The following TYW1B variants were observed in gnomAD, a reference collection of about 807,000 sequenced individuals.
TYW1B encodes tRNA-yW synthesizing protein 1 homolog B, also known as S-adenosyl-L-methionine-dependent tRNA 4-demethylwyosine synthase TYW1B.
In TYW1B, 73 loss-of-function variants were observed where a neutral mutation model predicts 86.9. The ratio of observed to expected loss-of-function variants is 0.84; its 90% CI spans 0.70 to 1.02. The LOEUF (loss-of-function observed/expected upper bound fraction) is 1.02, where lower values mean the gene tolerates loss of function less well. Among genes scored for constraint, TYW1B ranks in the 50% least tolerant of loss-of-function variants. TYW1B has a pLI of 0.00. For missense variants in TYW1B, 637 were observed against 827.4 expected (o/e 0.77, Z 2.82); for synonymous variants, 248 against 292.8 (o/e 0.85, Z 1.56).
intron 11 of TYW1B, among the ~76,000 whole-genome samples, chr7:72,690,101 A>T (rs1461457332): frequency 6.6e-6 from 1 of 152,172 alleles, no homozygotes; most frequent in Non-Finnish European, 1.5e-5. Context: ...TATGTTGGTC[A>T]TTTTTCTTTT....
chr7:72,776,556 C>CAAAAAAAAAAAAAA (rs67553013), intron 7 of TYW1B, among the ~76,000 whole-genome samples: 1 of 45,246 alleles, frequency 2.2e-5, no homozygotes, highest in African/African-American at 9.4e-5. Flanking sequence ...GACTCTGTCT[C>CAAAAAAAAAAAAAA]AAAAAAAAAA....
intron 7 of TYW1B, among the ~76,000 whole-genome samples, chr7:72,745,430 TA>T (rs1163299494): frequency 6.6e-6 from 1 of 152,062 alleles, no homozygotes; most frequent in African/African-American, 2.4e-5. Flanking sequence ...ATGCAAGGGA[TA>T]AAAACAAATA....
intron 11 of TYW1B, among the ~76,000 whole-genome samples, chr7:72,639,465 CTTGT>C (rs1655812339): frequency 6.6e-6 from 1 of 152,016 alleles, no homozygotes; most frequent in African/African-American, 2.4e-5. Context: ...CCACATCCAG[CTTGT>C]TTGTTTTTTA....
intron 10 of TYW1B, among the ~76,000 whole-genome samples, chr7:72,709,441 G>C (rs1414165138): frequency 6.6e-6 from 1 of 151,490 alleles, no homozygotes. Flanking sequence ...GGCCAAGGCG[G>C]GCGGATCACA....
intron 11 of TYW1B, among the ~76,000 whole-genome samples, chr7:72,666,905 G>C (rs868960094): frequency 3.3e-5 from 5 of 151,346 alleles, no homozygotes; most frequent in Non-Finnish European, 7.4e-5. Flanking sequence ...GGTGGCAGGC[G>C]CCTGTAGTCC....
intron 6 of TYW1B, among the ~76,000 whole-genome samples, chr7:72,781,373 T>C (rs1788046526): frequency 6.6e-6 from 1 of 152,128 alleles, no homozygotes. Flanking sequence ...TCACACCTCC[T>C]GGCGTCACTT....
At chr7:72,641,124 T>C (rs182646690) in intron 11 of TYW1B, among the ~76,000 whole-genome samples, 2 of 151,980 alleles carry the variant, frequency 1.3e-5, no homozygotes, top group African/African-American at 4.8e-5. Context: ...GAAAATACTA[T>C]GAACAACTAT....
chr7:72,823,020 T>A (rs1554480777), intron 2 of TYW1B: 2 of 151,732 alleles, frequency 1.3e-5, no homozygotes. Context: ...TTTTTTTTTT[T>A]TGTTTGAGAC....
chr7:72,716,716 G>A (rs568686772), intron 9 of TYW1B, among the ~76,000 whole-genome samples: 15 of 151,908 alleles, frequency 9.9e-5, no homozygotes, highest in South Asian at 2.1e-4. Context: ...TCAGCTCACT[G>A]CAACCTCCGC....
intron 13 of TYW1B, among the ~76,000 whole-genome samples, chr7:72,616,457 G>A (rs371164588): frequency 2.7e-5 from 4 of 149,708 alleles, no homozygotes; most frequent in Non-Finnish European, 3.0e-5. Context: ...GTACTTCAAG[G>A]TGTCCAGAGG....
At chr7:72,633,839 C>T (rs1812602793) in intron 11 of TYW1B, among the ~76,000 whole-genome samples, 1 of 151,978 alleles carries the variant, frequency 6.6e-6, no homozygotes, top group Non-Finnish European at 1.5e-5. Flanking sequence ...CAGGTTTTAG[C>T]TATTATAAAA....
intron 7 of TYW1B, among the ~76,000 whole-genome samples, chr7:72,758,473 A>T (rs1335122205): frequency 6.6e-6 from 1 of 151,188 alleles, no homozygotes; most frequent in Admixed American, 6.6e-5. Context: ...TTAGAAAAAA[A>T]TTTTTCTCTC....
chr7:72,729,476 T>G (rs1787065441), intron 8 of TYW1B, among the ~76,000 whole-genome samples: 1 of 152,052 alleles, frequency 6.6e-6, no homozygotes, highest in Non-Finnish European at 1.5e-5. Context: ...CCAAAGCCCC[T>G]GTATCTCCAT....
At chr7:72,761,405 A>T (rs1391949030) in intron 7 of TYW1B, among the ~76,000 whole-genome samples, 1 of 152,070 alleles carries the variant, frequency 6.6e-6, no homozygotes, top group Non-Finnish European at 1.5e-5. Flanking sequence ...TTAATAGGAA[A>T]AAAGTATAAG....
chr7:72,673,022 A>G (rs147482668), intron 11 of TYW1B, among the ~76,000 whole-genome samples: 2,620 of 152,262 alleles, frequency 0.017, 34 homozygotes, highest in Admixed American at 0.037. Flanking sequence ...TACAAAAATT[A>G]GCCGGGTGTC....
At chr7:72,593,674 T>G (rs1359072778) in intron 13 of TYW1B, among the ~76,000 whole-genome samples, 1 of 151,500 alleles carries the variant, frequency 6.6e-6, no homozygotes, top group Admixed American at 6.6e-5. Context: ...TACAAAAAAT[T>G]AGCAGGGCAT....
At chr7:72,662,426 T>TATAG (rs10682366) in intron 11 of TYW1B, among the ~76,000 whole-genome samples, 2,155 of 118,622 alleles carry the variant, frequency 0.018, 20 homozygotes, top group Middle Eastern at 0.036. Context: ...AATATATATA[T>TATAG]ATAGATAGAT....
intron 2 of TYW1B, among the ~76,000 whole-genome samples, chr7:72,819,503 G>A (rs575064221): frequency 6.6e-6 from 1 of 152,292 alleles, no homozygotes; most frequent in East Asian, 1.9e-4. Flanking sequence ...CACAGTCACG[G>A]CTTACTGCAG....
chr7:72,776,880 T>A (rs1290550576), intron 7 of TYW1B, among the ~76,000 whole-genome samples: 1 of 152,028 alleles, frequency 6.6e-6, no homozygotes, highest in Admixed American at 6.6e-5. Context: ...AGATATAGTT[T>A]CCTGTGTTTC....
Sources: allele counts gnomAD v4.1 joint callset (sites outside exome capture counted in the v4.1 genomes callset), GRCh38; gene constraint gnomAD v4.1.1; transcripts MANE v1.5; gene names NCBI Gene and HGNC (gene_info 2026-07-23, HGNC 2026-07-21).